MTERF1: variants seen among roughly 807,000 people sequenced by gnomAD.
MTERF1 encodes mitochondrial transcription termination factor 1.
A neutral mutation model predicts 31.6 loss-of-function variants in MTERF1; 29 were observed. The observed-to-expected ratio is 0.92, with a 90% CI of 0.68 to 1.25. MTERF1 has a LOEUF of 1.25. Ranked by LOEUF, MTERF1 falls within the 50% of genes most tolerant of loss-of-function variation. The pLI is 0.00. For missense variants in MTERF1, 500 were observed against 469.1 expected, an observed-to-expected ratio of 1.07 and a Z score of -0.61; for synonymous variants, 152 against 164.1, an observed-to-expected ratio of 0.93 and a Z score of 0.57.
In MTERF1 at chr7:91,873,944, G is replaced by A. The variant is rs1367863351; in HGVS notation, c.850C>T (p.Leu284Phe). ...ICGPGAEILD[L>F]SNDYARRSYA... The stretch of plus-strand genomic sequence containing the variant: ...CTTCTTCTGGCATAGTCATTGGAAA[G>A]GTCTAGGATTTCAGCTCCTGGACCA... Residue 284 changes from leucine (L) to phenylalanine (F), a missense_variant, in exon 3 of 3, where the codon CTT becomes TTT. Transcript: ENST00000351870. The A allele has an allele frequency of 1.9e-6, 3 of 1,613,990 alleles. No homozygotes were observed. Among genetic ancestry groups the A allele is most frequent in the South Asian group, 2.2e-5 (2 of 91,076 alleles).
intron 2 of MTERF1, among the ~76,000 whole-genome samples, chr7:91,878,381 TAGAAAC>T (rs1322385177): frequency 1.3e-5 from 2 of 152,198 alleles, no homozygotes; most frequent in Non-Finnish European, 2.9e-5. Flanking sequence ...CAGCTAAACT[TAGAAAC>T]AGTAATTAAT....
chr7:91,879,930 C>A (rs1205219427), intron 2 of MTERF1, 125 bp downstream of exon 2: 6 of 1,112,298 alleles, frequency 5.4e-6, no homozygotes, highest in Non-Finnish European at 8.0e-6. Context: ...CTCTGCCCCA[C>A]AACTGGCCTG....
At chr7:91,874,852 A>C in intron 2 of MTERF1, 88 bp from the exon 3 acceptor site, 2 of 934,126 alleles carry the variant, frequency 2.1e-6, no homozygotes, top group Non-Finnish European at 3.2e-6. Flanking sequence ...CATCATGGTC[A>C]TTTCTATGAG....
At chr7:91,878,297 T>C (rs1789395414) in intron 2 of MTERF1, among the ~76,000 whole-genome samples, 3 of 152,204 alleles carry the variant, frequency 2.0e-5, no homozygotes, top group Admixed American at 6.6e-5. Flanking sequence ...TGGTCTCAGC[T>C]AAACCTAGAA....
At chr7:91,878,794 C>T (rs1244250692) in intron 2 of MTERF1, among the ~76,000 whole-genome samples, 1 of 152,072 alleles carries the variant, frequency 6.6e-6, no homozygotes, top group African/African-American at 2.4e-5. Context: ...ATAATCTAGC[C>T]ACTGCACCCC....
rs1789295211 is a variant in MTERF1, at chr7:91,874,625, G to A, written c.169C>T (p.Leu57Phe). Residue 57 changes from leucine to phenylalanine, a missense_variant, in exon 3 of 3, where the codon CTT becomes TTT. Transcript: ENST00000351870. ...GTATTATGACACTTCACACCAAAAA[G>A]CCTAAATGAAACTGATTTGAAGATG... is the stretch of plus-strand genomic sequence containing the variant. ...ENIFKSVSFR[L>F]FGVKCHNTDS... The A allele has an allele frequency of 6.2e-7, 1 of 1,614,046 alleles. No homozygotes were observed. Among genetic ancestry groups the A allele is most frequent in the Non-Finnish European group, 8.5e-7 (1 of 1,180,016 alleles).
At position 91,873,814 on chromosome 7, in the gene MTERF1, T is replaced by G. The variant is rs746896569; in HGVS notation, c.980A>C (p.Lys327Thr). 1.2e-6 allele frequency: 2 copies of G among 1,614,114 alleles called. No individual in the cohort carries two copies. The highest frequency in any genetic ancestry group is 1.7e-6 in the Non-Finnish European group (2 of 1,180,012). ...YPDVIFLAEK[K>T]FNDKIDCLME... is the part of the protein sequence containing the mutation. Reference sequence around the variant, plus strand: ...GAGGCAGTCTATTTTATCATTAAACTTTTTCTCTGCCAAGAAGATCACATC... The same window carrying G: ...GAGGCAGTCTATTTTATCATTAAACGTTTTCTCTGCCAAGAAGATCACATC... Residue 327 changes from lysine (K) to threonine (T), a missense_variant, in exon 3 of 3, where the codon AAG (lysine) becomes ACG (threonine). Lys to Thr is a moderately conservative substitution (Grantham distance 78). Transcript: ENST00000351870.
chr7:91,880,522 C>T, intron 1 of MTERF1, 135 bp downstream of exon 1: 1 of 192,078 alleles, frequency 5.2e-6, no homozygotes, highest in Non-Finnish European at 1.1e-5. Context: ...GGTAATTCCA[C>T]ACCGAAGGCT....
At chr7:91,880,409 A>G (rs1789475333) in intron 1 of MTERF1, 1 of 233,892 alleles carries the variant, frequency 4.3e-6, no homozygotes, top group African/African-American at 2.3e-5. Flanking sequence ...AAGCCTTAAA[A>G]TTACAAAATC....
chr7:91,874,614 C>G lies in MTERF1; in HGVS notation c.180G>C (p.Val60=). The G allele has an allele frequency of 6.2e-7, 1 of 1,614,076 alleles. No homozygotes were observed. ...FKSVSFRLFG[V]KCHNTDSEPL... The stretch of plus-strand genomic sequence containing the variant: ...GCTCACTGTCTGTATTATGACACTT[C>G]ACACCAAAAAGCCTAAATGAAACTG... Residue 60 remains valine (V), a synonymous_variant, in exon 3 of 3, where the codon GTG becomes GTC. Coordinates refer to ENST00000351870, the MANE Select transcript of MTERF1 (RefSeq NM_006980.5).
rs760080436 is a variant in MTERF1, at chr7:91,873,874, T to G, written c.920A>C (p.Glu307Ala). ...TAAGACAAACTTCTGTACCTCTTCT[T>G]CAGTACATCCAAGAGAAAACAGCTT... ...KEKLFSLGCT[E>A]EEVQKFVLSY... Residue 307 changes from glutamate (E) to alanine (A), a missense_variant, in exon 3 of 3, where the codon GAA (glutamate) becomes GCA (alanine). By Grantham distance (107) the Glu-to-Ala change is moderately radical. Transcript: ENST00000351870. 1 of 1,614,112 alleles carries G rather than the reference T, an allele frequency of 6.2e-7. No homozygotes were observed. The highest frequency in any genetic ancestry group is 8.5e-7 in the Non-Finnish European group (1 of 1,180,032).
At chr7:91,878,163 GCTTT>G (rs1248345181) in intron 2 of MTERF1, among the ~76,000 whole-genome samples, 3 of 152,082 alleles carry the variant, frequency 2.0e-5, no homozygotes, top group Non-Finnish European at 2.9e-5. Flanking sequence ...CTAAAACTAA[GCTTT>G]CTATTTATAG....
chr7:91,875,745 C>G (rs921191341), intron 2 of MTERF1, among the ~76,000 whole-genome samples: 1 of 152,194 alleles, frequency 6.6e-6, no homozygotes, highest in African/African-American at 2.4e-5. Context: ...TAAATTCCTG[C>G]TACCCTTTAT....
rs552845562 is a variant in MTERF1 at position 91,873,061 on chromosome 7, T to A, written c.*533A>T. ...ATAGAGACTTTACTAAAGGACTGTA[T>A]TTTTGACTTCACCTATAATGCAACT... On this transcript the variant is annotated 3_prime_UTR_variant, in exon 3 of 3. Transcript: ENST00000351870. 5 of 152,412 alleles carry A rather than the reference T, an allele frequency of 3.3e-5. No homozygotes were observed. The highest frequency in any genetic ancestry group is 1.2e-4 in the African/African-American group (5 of 41,590). 9.4% of individuals were successfully genotyped at this position (152,412 alleles called of 1,614,324 possible). A position where few individuals can be genotyped will look rare whatever the true frequency, so the allele number is the denominator to read the frequency against.
rs1789199963 is a variant in MTERF1, at chr7:91,872,394, T to C, written c.*1200A>G. ...GAAGGTCAATTTCTGGTGTTACAGATGAGAAAAACAGGTTTAGTAAATTTA... is the reference window on the plus strand; with the variant it reads ...GAAGGTCAATTTCTGGTGTTACAGACGAGAAAAACAGGTTTAGTAAATTTA... On this transcript the variant is annotated 3_prime_UTR_variant, in exon 3 of 3. Transcript: ENST00000351870. 6.6e-6 allele frequency: 1 copy of C among 152,190 alleles called. No individual in the cohort carries two copies. The highest frequency in any genetic ancestry group is 1.5e-5 in the Non-Finnish European group (1 of 68,020). The allele number at this position is 152,190 out of a possible 1,614,324, so 9.4% of individuals were successfully genotyped here.
At chr7:91,879,734 T>A (rs182425486) in intron 2 of MTERF1, among the ~76,000 whole-genome samples, 4 of 152,306 alleles carry the variant, frequency 2.6e-5, no homozygotes, top group Admixed American at 2.0e-4. Context: ...ACAAGAAAGT[T>A]AGCAACTTTC....
At position 91,874,601 on chromosome 7, in the gene MTERF1, T is replaced by C. The variant is rs2130306641; in HGVS notation, c.193A>G (p.Thr65Ala). ...FRLFGVKCHN[T>A]DSEPLKNEDL... ...TCATTTTTCAAAGGCTCACTGTCTG[T>C]ATTATGACACTTCACACCAAAAAGC... Residue 65 changes from threonine to alanine, a missense_variant, in exon 3 of 3, where the codon ACA (threonine) becomes GCA (alanine). Thr to Ala is a moderately conservative substitution (Grantham distance 58, BLOSUM62 0). Coordinates refer to ENST00000351870, the MANE Select transcript of MTERF1 (RefSeq NM_006980.5). The C allele has an allele frequency of 1.9e-6, 3 of 1,614,158 alleles. No individual in the cohort carries two copies. The highest frequency in any genetic ancestry group is 1.1e-5 in the South Asian group (1 of 91,088).
rs559532318 is a variant in MTERF1 at position 91,880,152 on chromosome 7, T to C, written c.-30-39A>G. 1.9e-6 allele frequency: 3 copies of C among 1,543,390 alleles called. No homozygotes were observed. The African/African-American group carries it at 4.1e-5, about 21-fold the overall frequency. ...ACACACACAAAAAAAAGGCAAAATA[T>C]TTCAGGCCTTCCTAATACAAAATAA... On this transcript the variant is annotated intron_variant, in intron 1 of 2. Transcript: ENST00000351870.
Position 91,874,342 on chromosome 7 carries a change from G to A in MTERF1, c.452C>T (p.Thr151Ile). Residue 151 changes from threonine (T) to isoleucine (I), a missense_variant, in exon 3 of 3, where the codon ACA (threonine) becomes ATA (isoleucine). By Grantham distance (89) the Thr-to-Ile change is moderately conservative. Coordinates refer to ENST00000351870, the MANE Select transcript of MTERF1 (RefSeq NM_006980.5). ...AATATTTACAATTTCAAGGTCTGAT[G>A]TCACAATCTTTCTCCACAGATCCCA... ...KRWDLWRKIV[T>I]SDLEIVNILE... 2 of 1,614,154 alleles carry A rather than the reference G, an allele frequency of 1.2e-6. No homozygotes were observed. The highest frequency in any genetic ancestry group is 1.3e-5 in the African/African-American group (1 of 75,036).
Sources: gnomAD v4.1 joint callset for allele counts (sites outside exome capture counted in the v4.1 genomes callset) on GRCh38, gnomAD v4.1.1 for gene constraint, MANE v1.5 for transcripts, NCBI Gene and HGNC (gene_info 2026-07-23, HGNC 2026-07-21) for gene names.